Variants in SAXO1 observed in about 807,000 individuals in gnomAD.
SAXO1 encodes stabilizer of axonemal microtubules 1.
SAXO1 carries 21 observed loss-of-function variants against 17.5 expected under a neutral mutation model. The ratio of observed to expected loss-of-function variants is 1.20; its 90% CI spans 0.85 to 1.72. The LOEUF is 1.72. Ranked by LOEUF, SAXO1 falls within the 40% of genes most tolerant of loss-of-function variation. The probability of loss-of-function intolerance (pLI) is 0.00; values close to 1 mark genes in which losing one functional copy is unlikely to be tolerated. For synonymous variants in SAXO1, 274 were observed against 216.5 expected (o/e 1.27, Z -2.33); for missense variants, 843 against 596.0 (o/e 1.41, Z -4.32).
chr9:19,034,022 G>C (rs899031361), upstream of SAXO1, among the ~76,000 whole-genome samples: 1 of 152,148 alleles, frequency 6.6e-6, no homozygotes, highest in Non-Finnish European at 1.5e-5. Context: ...TCTAGTCCGG[G>C]AATCTAGCTT....
At chr9:18,963,191 G>T (rs1000204857) in intron 1 of SAXO1, among the ~76,000 whole-genome samples, 5 of 152,266 alleles carry the variant, frequency 3.3e-5, no homozygotes, top group Admixed American at 1.3e-4. Flanking sequence ...ATGCTGTTTT[G>T]GTTATCGTAG....
At chr9:18,997,027 G>A (rs764113684) in intron 1 of SAXO1, among the ~76,000 whole-genome samples, 12 of 152,292 alleles carry the variant, frequency 7.9e-5, no homozygotes, top group Middle Eastern at 3.4e-3. Context: ...CAGCGAGACT[G>A]ACGCAGAAGA....
intron 1 of SAXO1, among the ~76,000 whole-genome samples, chr9:19,022,762 T>G (rs1382259044): frequency 1.3e-5 from 2 of 152,248 alleles, no homozygotes; most frequent in Admixed American, 1.3e-4. Context: ...GGATATATTT[T>G]GCTTAGCAGC....
chr9:18,942,237 T>A (rs1588415727), intron 2 of SAXO1, among the ~76,000 whole-genome samples: 1 of 152,186 alleles, frequency 6.6e-6, no homozygotes, highest in Non-Finnish European at 1.5e-5. Flanking sequence ...ACTCTCTAAA[T>A]GGAAATCAGA....
chr9:19,011,087 T>C (rs1266861958), intron 1 of SAXO1, among the ~76,000 whole-genome samples: 1 of 152,204 alleles, frequency 6.6e-6, no homozygotes, highest in Non-Finnish European at 1.5e-5. Context: ...ATGTAGATGT[T>C]TCAGTTGCAT....
At chr9:19,023,125 A>G (rs1183861917) in intron 1 of SAXO1, among the ~76,000 whole-genome samples, 1 of 141,576 alleles carries the variant, frequency 7.1e-6, no homozygotes, top group African/African-American at 2.5e-5. Flanking sequence ...CAAGCCCCCC[A>G]AACACCAGAT....
intron 1 of SAXO1, among the ~76,000 whole-genome samples, chr9:19,044,061 C>G (rs374182619): frequency 5.9e-5 from 9 of 151,692 alleles, no homozygotes; most frequent in African/African-American, 2.2e-4. Flanking sequence ...AGGAGAATCA[C>G]TTGAACCCAG....
In SAXO1 at chr9:18,941,703, G is replaced by A. The variant is rs745895990; in HGVS notation, c.355C>T (p.Pro119Ser). 3 of 1,614,000 alleles carry A rather than the reference G, an allele frequency of 1.9e-6. No individual in the cohort carries two copies. Among genetic ancestry groups the A allele is most frequent in the African/African-American group, 1.3e-5 (1 of 74,884 alleles). Reference protein sequence around the residue: ...YNPYPVCRVDPIKPRDSKYPC... With the variant: ...YNPYPVCRVDSIKPRDSKYPC... ...TATTTACTGTCCCGAGGTTTGATGG[G>A]GTCCACTCGACAGACAGGGTAGGGA... Residue 119 changes from proline to serine, a missense_variant, in exon 3 of 4, where the codon CCC becomes TCC. Physicochemically the swap from Pro to Ser is moderately conservative, Grantham distance 74. Coordinates refer to ENST00000380534, the MANE Select transcript of SAXO1 (RefSeq NM_153707.4).
chr9:18,966,425 G>A (rs1832719085), intron 1 of SAXO1, among the ~76,000 whole-genome samples: 1 of 152,086 alleles, frequency 6.6e-6, no homozygotes, highest in Non-Finnish European at 1.5e-5. Flanking sequence ...TTTCTTGAAG[G>A]GTTTGTTTTT....
chr9:18,950,967 C>T (rs1832013748), intron 1 of SAXO1, 30 bp from the exon 2 acceptor site: 2 of 1,584,018 alleles, frequency 1.3e-6, no homozygotes, highest in Non-Finnish European at 8.6e-7. Context: ...AGGTTGATTA[C>T]CTTCTTGGGA....
At chr9:18,938,825 T>C (rs796095601) in intron 3 of SAXO1, among the ~76,000 whole-genome samples, 83 of 77,806 alleles carry the variant, frequency 1.1e-3, no homozygotes, top group East Asian at 3.0e-3. Flanking sequence ...TGCGTGCGTG[T>C]GTGTGTGTGT....
chr9:18,962,065 A>C (rs1262844866), intron 1 of SAXO1, among the ~76,000 whole-genome samples: 5 of 151,440 alleles, frequency 3.3e-5, no homozygotes, highest in Non-Finnish European at 5.9e-5. Flanking sequence ...CGGTTTTTTT[A>C]GTTTTTCTTT....
chr9:19,024,056 CTATT>C lies in SAXO1; in HGVS notation c.38+8811_38+8814del, dbSNP rs554739055. The stretch of plus-strand genomic sequence containing the variant: ...TTTTTTTTTTTTGCGGGGGAAAAGA[CTATT>C]TATCTATGTTACTCTCCAGCTCAAA... On this transcript the variant is annotated intron_variant, in intron 1 of 3. Transcript: ENST00000380534. Among the ~76,000 whole-genome samples the C allele has an allele frequency of 7.0e-3, 453 of 64,554 alleles. 1 individual carries two copies. The highest frequency in any genetic ancestry group is 0.026 in the African/African-American group (425 of 16,222). 42.3% of individuals were successfully genotyped at this position (64,554 alleles called of 152,430 possible).
chr9:19,013,595 G>T (rs920059820), intron 1 of SAXO1, among the ~76,000 whole-genome samples: 2 of 128,402 alleles, frequency 1.6e-5, no homozygotes, highest in Non-Finnish European at 3.1e-5. Flanking sequence ...CACCCAGGCT[G>T]GAATGCAGTG....
chr9:18,951,024 G>C, intron 1 of SAXO1, 87 bp from the exon 2 acceptor site: 2 of 1,332,790 alleles, frequency 1.5e-6, no homozygotes, highest in South Asian at 2.9e-5. Context: ...ATGTGACTCA[G>C]ACTGTAAAAT....
intron 1 of SAXO1, among the ~76,000 whole-genome samples, chr9:18,951,673 C>A (rs926286256): frequency 6.6e-6 from 1 of 152,188 alleles, no homozygotes; most frequent in Admixed American, 6.5e-5. Flanking sequence ...CCTGTGTATG[C>A]CTGTCCCATC....
intron 1 of SAXO1, among the ~76,000 whole-genome samples, chr9:18,980,288 C>T (rs1739912628): frequency 6.6e-6 from 1 of 152,036 alleles, no homozygotes; most frequent in South Asian, 2.1e-4. Context: ...AGTTTAGGCA[C>T]TGCTTGGGAG....
intron 1 of SAXO1, among the ~76,000 whole-genome samples, chr9:18,974,532 T>A (rs200115813): frequency 6.6e-6 from 1 of 152,186 alleles, no homozygotes; most frequent in East Asian, 1.9e-4. Flanking sequence ...CTGGAACATC[T>A]TGTGTCAGAA....
At chr9:19,014,495 T>A (rs1434113944) in intron 1 of SAXO1, among the ~76,000 whole-genome samples, 1 of 146,816 alleles carries the variant, frequency 6.8e-6, no homozygotes, top group Non-Finnish European at 1.5e-5. Flanking sequence ...AATTAAATTT[T>A]AAAAATTTAA....
Sources: gnomAD v4.1 joint callset for allele counts (sites outside exome capture counted in the v4.1 genomes callset) on GRCh38, gnomAD v4.1.1 for gene constraint, MANE v1.5 for transcripts, NCBI Gene and HGNC (gene_info 2026-07-23, HGNC 2026-07-21) for gene names.